The following YARS1 variants were observed in gnomAD, a reference collection of about 807,000 sequenced individuals.
YARS1 encodes tyrosine--tRNA ligase, cytoplasmic.
YARS1 carries 36 observed loss-of-function variants against 62.2 expected under a neutral mutation model. That is an observed-to-expected ratio of 0.58 (90% CI 0.44 to 0.76). The LOEUF is 0.76. YARS1 is among the 30% of genes least tolerant of loss of function. The probability of loss-of-function intolerance (pLI) is 0.00; values close to 1 mark genes in which losing one functional copy is unlikely to be tolerated. For missense variants in YARS1, 524 were observed against 639.8 expected, an observed-to-expected ratio of 0.82 and a Z score of 1.95; for synonymous variants, 234 against 244.9, an observed-to-expected ratio of 0.96 and a Z score of 0.42.
At chr1:32,795,148 T>C (rs1653540342) in intron 5 of YARS1, among the ~76,000 whole-genome samples, 1 of 149,880 alleles carries the variant, frequency 6.7e-6, no homozygotes, top group South Asian at 2.1e-4. Context: ...TGAAACCCCG[T>C]CTCTATTAAA....
intron 5 of YARS1, among the ~76,000 whole-genome samples, chr1:32,792,113 A>G (rs936091914): frequency 6.6e-6 from 1 of 152,228 alleles, no homozygotes; most frequent in African/African-American, 2.4e-5. Flanking sequence ...GATACCAGGA[A>G]GTCTGGCAGA....
intron 11 of YARS1, 121 bp downstream of exon 11, chr1:32,779,964 C>T: frequency 1.6e-6 from 2 of 1,219,440 alleles, no homozygotes; most frequent in South Asian, 1.2e-5. Flanking sequence ...TTGGCATCAG[C>T]AAGGAAGAGG....
chr1:32,791,359 T>G, intron 5 of YARS1, 105 bp from the exon 6 acceptor site: 1 of 884,334 alleles, frequency 1.1e-6, no homozygotes, highest in Non-Finnish European at 1.9e-6. Flanking sequence ...GTTATATTGC[T>G]TCCAATCTTT....
intron 1 of YARS1, among the ~76,000 whole-genome samples, chr1:32,816,002 G>T (rs1350535385): frequency 6.6e-6 from 1 of 151,680 alleles, no homozygotes; most frequent in Non-Finnish European, 1.5e-5. Context: ...CCAGCTACTC[G>T]GGAGGCTGAG....
At chr1:32,793,179 T>C (rs1020729021) in intron 5 of YARS1, among the ~76,000 whole-genome samples, 1 of 152,060 alleles carries the variant, frequency 6.6e-6, no homozygotes, top group African/African-American at 2.4e-5. Context: ...CAGAACAGAA[T>C]ATGAGACATG....
Position 32,797,799 on chromosome 1 carries a change from G to T in YARS1, c.555C>A (p.Gly185=). Residue 185 remains glycine, a synonymous_variant, in exon 5 of 13, where the codon GGC becomes GGA. Transcript: ENST00000373477. ...EYLKVDAQFG[G]IDQRKIFTFA... ...AGGTGAAAATCTTTCTCTGATCAAT[G>T]CCTCCAAATTGGGCATCTACTTTTA... is the stretch of plus-strand genomic sequence containing the variant. 6.2e-7 allele frequency: 1 copy of T among 1,614,170 alleles called. No individual in the cohort carries two copies. Among genetic ancestry groups the T allele is most frequent in the South Asian group, 1.1e-5 (1 of 91,082 alleles).
chr1:32,783,280 G>T (rs947884471), intron 8 of YARS1: 2 of 152,296 alleles, frequency 1.3e-5, no homozygotes, highest in Non-Finnish European at 2.9e-5. Context: ...CATGGTAATA[G>T]TTCAGTAATT....
At position 32,775,323 on chromosome 1, in the gene YARS1, T is replaced by C; in HGVS notation, c.*658A>G. 6.5e-6 allele frequency: 1 copy of C among 153,414 alleles called. No homozygotes were observed. The highest frequency in any genetic ancestry group is 1.5e-5 in the Non-Finnish European group (1 of 68,964). 9.5% of individuals were successfully genotyped at this position (153,414 alleles called of 1,614,324 possible). Reference sequence around the variant, plus strand: ...TTATGGAGAAGTACCCCACCCTCTATGAAGACAGAATCACTCTCTGCCATT... The same window carrying C: ...TTATGGAGAAGTACCCCACCCTCTACGAAGACAGAATCACTCTCTGCCATT... On this transcript the variant is annotated 3_prime_UTR_variant, in exon 13 of 13. Transcript: ENST00000373477.
chr1:32,786,823 C>T, intron 7 of YARS1, 117 bp downstream of exon 7: 1 of 1,344,518 alleles, frequency 7.4e-7, no homozygotes, highest in Admixed American at 2.0e-5. Flanking sequence ...GAAATCAGAG[C>T]AGAGAATCAG....
At position 32,786,981 on chromosome 1, in the gene YARS1, A is replaced by G. The variant is rs1242588872; in HGVS notation, c.779T>C (p.Val260Ala). The G allele has an allele frequency of 3.7e-6, 6 of 1,613,876 alleles. No homozygotes were observed. Among genetic ancestry groups the G allele is most frequent in the Non-Finnish European group, 5.1e-6 (6 of 1,179,964 alleles). ...CEPGNVENNG[V>A]LSFIKHVLFP... ...AAGGACATGCTTGATGAAGGACAGA[A>G]CCCCATTGTTCTCCACATTTCCTGG... The change falls in exon 7 of 13, where the codon GTT (valine) becomes GCT (alanine). Residue 260 changes from valine (V) to alanine (A), a missense_variant. By Grantham distance (64) the Val-to-Ala change is moderately conservative. Coordinates refer to ENST00000373477, the MANE Select transcript of YARS1 (RefSeq NM_003680.4).
intron 1 of YARS1, among the ~76,000 whole-genome samples, chr1:32,812,260 G>A (rs1389528124): frequency 1.3e-5 from 2 of 152,124 alleles, no homozygotes; most frequent in African/African-American, 4.8e-5. Flanking sequence ...TGATCCTCTG[G>A]CCTTAGTCTC....
chr1:32,791,450 T>C (rs1653409336), intron 5 of YARS1, among the ~76,000 whole-genome samples, 196 bp from the exon 6 acceptor site: 1 of 152,204 alleles, frequency 6.6e-6, no homozygotes, highest in South Asian at 2.1e-4. Flanking sequence ...CAGTATTACA[T>C]TGTGAGGCTA....
At chr1:32,816,363 A>C (rs1200451154) in intron 1 of YARS1, among the ~76,000 whole-genome samples, 1 of 152,200 alleles carries the variant, frequency 6.6e-6, no homozygotes, top group Non-Finnish European at 1.5e-5. Flanking sequence ...TCTTAAACAA[A>C]TAAATAAAAT....
intron 5 of YARS1, among the ~76,000 whole-genome samples, chr1:32,791,717 A>G (rs7548570): frequency 0.31 from 47,367 of 151,972 alleles, 7,497 homozygotes; most frequent in Middle Eastern, 0.34. Flanking sequence ...CAGTAGGATC[A>G]CTTGAACCCG....
intron 6 of YARS1, 37 bp from the exon 7 acceptor site, chr1:32,787,112 T>A (rs540912563): frequency 6.2e-7 from 1 of 1,613,444 alleles, no homozygotes; most frequent in South Asian, 1.1e-5. Context: ...CTCTTGTGGT[T>A]GAAAATGAGA....
intron 4 of YARS1, chr1:32,798,353 A>C (rs1653669063): frequency 5.8e-6 from 1 of 172,766 alleles, no homozygotes; most frequent in South Asian, 1.4e-4. Flanking sequence ...TGTGGATGTC[A>C]TGGGATAAAA....
intron 4 of YARS1, chr1:32,798,169 G>A (rs1483048984): frequency 8.8e-6 from 3 of 341,070 alleles, no homozygotes; most frequent in Non-Finnish European, 1.7e-5. Context: ...ACCATGCCCA[G>A]CCTAAACATC....
At chr1:32,785,718 G>T (rs1337558265) in intron 8 of YARS1, among the ~76,000 whole-genome samples, 3 of 151,646 alleles carry the variant, frequency 2.0e-5, no homozygotes, top group African/African-American at 7.3e-5. Context: ...GAGTAGCTGG[G>T]ATTACAGGTG....
chr1:32,802,674 T>C (rs1235322266), intron 4 of YARS1, among the ~76,000 whole-genome samples: 1 of 152,176 alleles, frequency 6.6e-6, no homozygotes, highest in African/African-American at 2.4e-5. Flanking sequence ...CAATGAGCAG[T>C]AATGTTTTGA....
Sources: allele counts gnomAD v4.1 joint callset (sites outside exome capture counted in the v4.1 genomes callset), GRCh38; gene constraint gnomAD v4.1.1; transcripts MANE v1.5; gene names NCBI Gene and HGNC (gene_info 2026-07-23, HGNC 2026-07-21).